WWOX: variants seen among roughly 807,000 people sequenced by gnomAD.
WWOX encodes WW domain-containing oxidoreductase.
A neutral mutation model predicts 46.2 loss-of-function variants in WWOX; 69 were observed. The ratio of observed to expected loss-of-function variants is 1.49; its 90% confidence interval spans 1.23 to 1.82. The LOEUF is 1.82. Among genes scored for constraint, WWOX ranks in the 40% most tolerant of loss-of-function variants. The pLI, the probability that WWOX is intolerant of heterozygous loss-of-function variation, is 0.00. For synonymous variants in WWOX, 359 were observed against 202.6 expected, an observed-to-expected ratio of 1.77 and a Z score of -6.56; for missense variants, 919 against 542.6, an observed-to-expected ratio of 1.69 and a Z score of -6.89.
At chr16:78,231,764 A>G (rs2037272768) in intron 5 of WWOX, among the ~76,000 whole-genome samples, 1 of 152,194 alleles carries the variant, frequency 6.6e-6, no homozygotes, top group Non-Finnish European at 1.5e-5. Context: ...ATTCAGAGAA[A>G]TCCAGGGTAG....
chr16:79,031,520 G>C (rs1427549587), intron 8 of WWOX, among the ~76,000 whole-genome samples: 2 of 152,016 alleles, frequency 1.3e-5, no homozygotes, highest in East Asian at 1.9e-4. Flanking sequence ...TTAAAGCCTA[G>C]AAGGAAGGGA....
intron 8 of WWOX, among the ~76,000 whole-genome samples, chr16:78,802,287 C>T (rs902920182): frequency 1.6e-5 from 2 of 128,300 alleles, no homozygotes; most frequent in Non-Finnish European, 3.1e-5. Flanking sequence ...AGATATTTAA[C>T]GGGTGTTTCA....
intron 8 of WWOX, among the ~76,000 whole-genome samples, chr16:78,922,963 A>G (rs1429366250): frequency 2.1e-5 from 3 of 142,356 alleles, no homozygotes; most frequent in Non-Finnish European, 3.0e-5. Flanking sequence ...CATATTCAGG[A>G]GGCATAATTC....
chr16:78,303,363 T>C lies in WWOX; in HGVS notation c.517-83497T>C, dbSNP rs148811349. ...GCCTGATGCGCTTTAGGTACCAGCCTTGGTTGAAGAGGAGCTTGAACAGCC... is the reference window on the plus strand; with the variant it reads ...GCCTGATGCGCTTTAGGTACCAGCCCTGGTTGAAGAGGAGCTTGAACAGCC... On this transcript the variant is annotated intron_variant, in intron 5 of 8. Coordinates refer to ENST00000566780, the MANE Select transcript of WWOX (RefSeq NM_016373.4). Among the ~76,000 whole-genome samples the C allele has an allele frequency of 1.0e-2, 1,522 of 152,256 alleles. 87 individuals carry two copies. Among genetic ancestry groups the C allele is most frequent in the Admixed American group, 0.09 (1,371 of 15,288 alleles).
intron 8 of WWOX, among the ~76,000 whole-genome samples, chr16:78,867,484 TTGTGTGTGTGTGTG>T (rs4035599): frequency 3.4e-5 from 5 of 148,886 alleles, no homozygotes; most frequent in Non-Finnish European, 7.4e-5. Context: ...TTAAATGATT[TTGTGTGTGTGTGTG>T]TGTGTGTGTG....
At chr16:79,141,995 A>G (rs924742547) in intron 8 of WWOX, among the ~76,000 whole-genome samples, 10 of 152,224 alleles carry the variant, frequency 6.6e-5, no homozygotes, top group Non-Finnish European at 1.3e-4. Flanking sequence ...GTGTTCTCCA[A>G]ACTGCTCAGA....
intron 8 of WWOX, among the ~76,000 whole-genome samples, chr16:78,696,952 A>G (rs533615450): frequency 1.3e-5 from 2 of 152,238 alleles, no homozygotes; most frequent in East Asian, 3.9e-4. Flanking sequence ...ACTTAGAATA[A>G]TGGTCTCCAG....
At chr16:78,108,244 T>C (rs1403574855) in intron 1 of WWOX, among the ~76,000 whole-genome samples, 179 bp from the exon 2 acceptor site, 1 of 149,796 alleles carries the variant, frequency 6.7e-6, no homozygotes, top group Non-Finnish European at 1.5e-5. Flanking sequence ...ATATTTTGAG[T>C]GATTCAGCAA....
chr16:79,010,329 C>T lies in WWOX; in HGVS notation c.1057-201279C>T, dbSNP rs139841836. 2.4e-3 allele frequency among the ~76,000 whole-genome samples: 361 copies of T among 152,150 alleles called. 1 individual carries two copies. The highest frequency in any genetic ancestry group is 8.1e-3 in the African/African-American group (336 of 41,520). ...GTGTGCTGAGGGAAGGTGCCTCAGG[C>T]GACAGATGGGACCAGGGCCTTTAAC... On this transcript the variant is annotated intron_variant, in intron 8 of 8. Transcript: ENST00000566780.
intron 8 of WWOX, among the ~76,000 whole-genome samples, chr16:78,635,044 C>A (rs1260498859): frequency 6.6e-6 from 1 of 152,134 alleles, no homozygotes. Context: ...GACGGCTTCC[C>A]TGCGGGACAT....
chr16:79,027,929 T>G (rs184811154), intron 8 of WWOX, among the ~76,000 whole-genome samples: 1 of 151,694 alleles, frequency 6.6e-6, no homozygotes, highest in East Asian at 1.9e-4. Flanking sequence ...TTTGCTTTAT[T>G]TTCCTTTGTT....
intron 8 of WWOX, among the ~76,000 whole-genome samples, chr16:78,544,224 T>C (rs1206269697): frequency 6.6e-6 from 1 of 152,240 alleles, no homozygotes; most frequent in African/African-American, 2.4e-5. Context: ...CTGACACTAA[T>C]ATTCTCTCTG....
At chr16:78,374,078 T>G (rs2081759509) in intron 5 of WWOX, among the ~76,000 whole-genome samples, 1 of 152,248 alleles carries the variant, frequency 6.6e-6, no homozygotes, top group Non-Finnish European at 1.5e-5. Context: ...TGAGCCATTA[T>G]GCCTGGCCAC....
intron 8 of WWOX, among the ~76,000 whole-genome samples, chr16:78,737,206 T>C (rs1048567918): frequency 6.6e-6 from 1 of 152,088 alleles, no homozygotes; most frequent in African/African-American, 2.4e-5. Flanking sequence ...TTCAAGCTAT[T>C]TTCCTGCCTC....
chr16:78,492,356 G>A (rs1287339372), intron 8 of WWOX, among the ~76,000 whole-genome samples: 1 of 152,244 alleles, frequency 6.6e-6, no homozygotes, highest in East Asian at 1.9e-4. Flanking sequence ...CCATGACATC[G>A]TCCACTGGAG....
At chr16:78,713,611 C>G (rs1275106692) in intron 8 of WWOX, among the ~76,000 whole-genome samples, 2 of 152,030 alleles carry the variant, frequency 1.3e-5, no homozygotes, top group African/African-American at 4.8e-5. Flanking sequence ...CACAGAGACA[C>G]CAGGAATTCA....
intron 8 of WWOX, chr16:79,017,096 C>G (rs994188113): frequency 2.0e-5 from 3 of 152,098 alleles, no homozygotes; most frequent in Non-Finnish European, 4.4e-5. Context: ...TGTTCTCTAG[C>G]TAGTTATCTA....
Position 78,838,768 on chromosome 16 carries a change from G to A in WWOX, c.1057-372840G>A, listed in dbSNP as rs181057471. Among the ~76,000 whole-genome samples, 986 of 152,266 alleles carry A rather than the reference G, an allele frequency of 6.5e-3. 11 individuals carry two copies. The highest frequency in any genetic ancestry group is 0.01 in the African/African-American group (416 of 41,542). ...TGAGACAGGAGAATTGCTTGAACCCGGGAGTCAGAGGTTGCAGTGAGCCCA... is the reference window on the plus strand; with the variant it reads ...TGAGACAGGAGAATTGCTTGAACCCAGGAGTCAGAGGTTGCAGTGAGCCCA... On this transcript the variant is annotated intron_variant, in intron 8 of 8. Coordinates refer to ENST00000566780, the MANE Select transcript of WWOX (RefSeq NM_016373.4).
At chr16:79,168,316 C>A (rs1185405543) in intron 8 of WWOX, among the ~76,000 whole-genome samples, 1 of 152,208 alleles carries the variant, frequency 6.6e-6, no homozygotes, top group African/African-American at 2.4e-5. Flanking sequence ...CTGCTATCCA[C>A]AGTGGCTGCC....
Sources: gnomAD v4.1 joint callset for allele counts (sites outside exome capture counted in the v4.1 genomes callset) on GRCh38, gnomAD v4.1.1 for gene constraint, MANE v1.5 for transcripts, NCBI Gene and HGNC (gene_info 2026-07-23, HGNC 2026-07-21) for gene names.